EXOC2: variants seen among roughly 807,000 people sequenced by gnomAD.
EXOC2 encodes the protein SEC5-like 1.
In EXOC2, 70 loss-of-function variants were observed where a neutral mutation model predicts 131.8. The observed-to-expected ratio is 0.53, with a 90% CI of 0.44 to 0.65. The LOEUF (loss-of-function observed/expected upper bound fraction) is 0.65. EXOC2 is among the 30% of genes least tolerant of loss of function. The probability of loss-of-function intolerance (pLI) is 0.00; values close to 1 mark genes in which losing one functional copy is unlikely to be tolerated. For synonymous variants in EXOC2, 411 were observed against 398.4 expected (o/e 1.03, Z -0.38); for missense variants, 923 against 1,108.6 (o/e 0.83, Z 2.38).
chr6:622,037 G>A (rs1379770399), intron 4 of EXOC2, among the ~76,000 whole-genome samples: 2 of 152,168 alleles, frequency 1.3e-5, no homozygotes, highest in African/African-American at 2.4e-5. Flanking sequence ...TGCTCTAACC[G>A]GCAGGCAGCA....
rs1183036751 is a variant in EXOC2, at chr6:497,310, T to C, written c.2559+57A>G. 10 of 1,550,622 alleles carry C rather than the reference T, an allele frequency of 6.4e-6. No homozygotes were observed. The African/African-American group carries it at 1.4e-4, about 21-fold the overall frequency. The stretch of plus-strand genomic sequence containing the variant: ...ATCATAAGATTGATGACTAAAAACA[T>C]TTTATATGCTTTAAATAACAACAGA... On this transcript the variant is annotated intron_variant, in intron 25 of 27. Coordinates refer to ENST00000230449, the MANE Select transcript of EXOC2 (RefSeq NM_018303.6).
intron 17 of EXOC2, among the ~76,000 whole-genome samples, chr6:561,426 C>A (rs1757693125): frequency 6.6e-6 from 1 of 152,116 alleles, no homozygotes; most frequent in African/African-American, 2.4e-5. Context: ...GATACCAAGG[C>A]ACGACTATAT....
At chr6:660,181 C>T (rs1763358601) in intron 1 of EXOC2, among the ~76,000 whole-genome samples, 1 of 150,768 alleles carries the variant, frequency 6.6e-6, no homozygotes, top group Non-Finnish European at 1.5e-5. Flanking sequence ...CACCCATCCC[C>T]CCCAACCCGA....
intron 20 of EXOC2, 97 bp from the exon 21 acceptor site, chr6:554,017 T>C (rs1386996168): frequency 6.4e-6 from 6 of 936,574 alleles, no homozygotes; most frequent in African/African-American, 3.4e-5. Flanking sequence ...ATGAATTATA[T>C]GGAAAACATT....
At chr6:590,979 A>T (rs1759510103) in intron 11 of EXOC2, among the ~76,000 whole-genome samples, 1 of 152,160 alleles carries the variant, frequency 6.6e-6, no homozygotes, top group South Asian at 2.1e-4. Context: ...TATGTTCCCT[A>T]ACTCAGTGGC....
At chr6:688,652 A>C (rs1036678230) in intron 1 of EXOC2, among the ~76,000 whole-genome samples, 3 of 152,202 alleles carry the variant, frequency 2.0e-5, no homozygotes, top group Non-Finnish European at 4.4e-5. Context: ...CTCTGGCAAC[A>C]GTCGGATCCT....
chr6:567,561 T>C (rs368857044), intron 13 of EXOC2, among the ~76,000 whole-genome samples: 5 of 152,250 alleles, frequency 3.3e-5, no homozygotes, highest in Non-Finnish European at 7.3e-5. Context: ...TAGATATGTA[T>C]ATGTGTAAAT....
intron 1 of EXOC2, among the ~76,000 whole-genome samples, chr6:686,620 C>T (rs1387256486): frequency 6.6e-6 from 1 of 152,098 alleles, no homozygotes; most frequent in Non-Finnish European, 1.5e-5. Context: ...TATATATATA[C>T]CGGATTACTC....
In EXOC2 at chr6:667,431, T is replaced by A. The variant is rs1402460039; in HGVS notation, c.-44+25588A>T. ...TGGTAAAGCATTATTTCTGGGTGTGTCTGTGAGGGTGTTTGGGGAAGTAAC... is the reference window on the plus strand; with the variant it reads ...TGGTAAAGCATTATTTCTGGGTGTGACTGTGAGGGTGTTTGGGGAAGTAAC... On this transcript the variant is annotated intron_variant, in intron 1 of 27. Transcript: ENST00000230449. Among the ~76,000 whole-genome samples, 2 of 97,472 alleles carry A rather than the reference T, an allele frequency of 2.1e-5. 1 individual carries two copies. The highest frequency in any genetic ancestry group is 1.1e-3 in the East Asian group (2 of 1,776). 63.9% of individuals were successfully genotyped at this position (97,472 alleles called of 152,430 possible). A position where few individuals can be genotyped will look rare whatever the true frequency, so the allele number is the denominator to read the frequency against.
chr6:603,432 C>G lies in EXOC2; in HGVS notation c.743-4207G>C, dbSNP rs143694933. On this transcript the variant is annotated intron_variant, in intron 7 of 27. Transcript: ENST00000230449. ...GTTTCACAGCACTATGCCTGACACT[C>G]TGTGTGGAGTAGATGGAACTGAGGA... Among the ~76,000 whole-genome samples the G allele has an allele frequency of 3.2e-4, 48 of 152,236 alleles. 1 individual carries two copies. The East Asian group carries it at 5.0e-3, about 16-fold the overall frequency.
intron 26 of EXOC2, among the ~76,000 whole-genome samples, chr6:489,903 A>C (rs1692800399): frequency 6.6e-6 from 1 of 152,190 alleles, no homozygotes; most frequent in African/African-American, 2.4e-5. Context: ...GTTCCAACAG[A>C]GTCATAAAAC....
intron 19 of EXOC2, 103 bp downstream of exon 19, chr6:555,851 A>G: frequency 2.7e-6 from 3 of 1,126,604 alleles, no homozygotes; most frequent in Non-Finnish European, 3.9e-6. Context: ...TGAAAAAAGA[A>G]TACCTATTTG....
intron 3 of EXOC2, among the ~76,000 whole-genome samples, chr6:631,329 G>C (rs912073945): frequency 1.3e-5 from 2 of 152,110 alleles, no homozygotes; most frequent in Admixed American, 1.3e-4. Context: ...CACAAGGTCC[G>C]GAGTTCGAGA....
At chr6:654,933 A>G (rs1291326481) in intron 1 of EXOC2, among the ~76,000 whole-genome samples, 1 of 151,140 alleles carries the variant, frequency 6.6e-6, no homozygotes, top group Non-Finnish European at 1.5e-5. Context: ...TTTTTGAGAT[A>G]GAATCTACTC....
chr6:549,390 C>T (rs2476847), intron 21 of EXOC2, 99 bp from the exon 22 acceptor site: 333,949 of 835,552 alleles, frequency 0.4, 69,438 homozygotes, highest in African/African-American at 0.56. Flanking sequence ...TGCTCTTTAA[C>T]GTCAATATCC....
intron 17 of EXOC2, among the ~76,000 whole-genome samples, chr6:560,087 A>C (rs911837615): frequency 6.6e-6 from 1 of 152,214 alleles, no homozygotes; most frequent in African/African-American, 2.4e-5. Context: ...AGCTCTGAAC[A>C]CAGTAAACTT....
chr6:520,663 C>T (rs188990059), intron 23 of EXOC2, among the ~76,000 whole-genome samples: 3 of 63,162 alleles, frequency 4.7e-5, no homozygotes, highest in African/African-American at 7.0e-5. Flanking sequence ...CACTCGGAGA[C>T]GAAAACAACC....
chr6:623,252 G>T (rs933217783), intron 4 of EXOC2, among the ~76,000 whole-genome samples: 1 of 152,208 alleles, frequency 6.6e-6, no homozygotes, highest in Non-Finnish European at 1.5e-5. Flanking sequence ...TGGATTCTGA[G>T]ATTCGAGCCC....
intron 11 of EXOC2, among the ~76,000 whole-genome samples, chr6:578,475 T>C (rs1758708481): frequency 6.6e-6 from 1 of 151,966 alleles, no homozygotes; most frequent in Non-Finnish European, 1.5e-5. Context: ...AGGAGGTAAA[T>C]AGTGATTGTG....
Sources: gnomAD v4.1 joint callset for allele counts (sites outside exome capture counted in the v4.1 genomes callset) on GRCh38, gnomAD v4.1.1 for gene constraint, MANE v1.5 for transcripts, NCBI Gene and HGNC (gene_info 2026-07-23, HGNC 2026-07-21) for gene names.